The following F13A1 variants were observed in gnomAD, a reference collection of about 807,000 sequenced individuals.
The protein encoded by F13A1 is coagulation factor XIII A chain.
Under a neutral mutation model 80.1 loss-of-function variants are expected in F13A1, and 47 were observed. The ratio of observed to expected loss-of-function variants is 0.59; its 90% CI spans 0.46 to 0.75. The LOEUF is 0.75. Ranked by LOEUF, F13A1 falls within the 30% of genes least tolerant of loss-of-function variation. The probability of loss-of-function intolerance (pLI) is 0.00; values close to 1 mark genes in which losing one functional copy is unlikely to be tolerated. For missense variants in F13A1, 817 were observed against 930.4 expected (o/e 0.88, Z 1.59); for synonymous variants, 349 against 344.9 (o/e 1.01, Z -0.13).
chr6:6,161,551 T>TGTGTGAGA (rs1010361754), intron 13 of F13A1, among the ~76,000 whole-genome samples: 1 of 146,282 alleles, frequency 6.8e-6, no homozygotes, highest in Non-Finnish European at 1.5e-5. Flanking sequence ...TGTGTGTGTG[T>TGTGTGAGA]GAGAGAGAGA....
intron 11 of F13A1, among the ~76,000 whole-genome samples, chr6:6,175,468 G>A (rs1055802076): frequency 6.6e-6 from 1 of 152,184 alleles, no homozygotes; most frequent in Non-Finnish European, 1.5e-5. Flanking sequence ...CATGGCAGAA[G>A]GTTCTACCAA....
At chr6:6,259,589 A>G (rs1561671063) in intron 4 of F13A1, among the ~76,000 whole-genome samples, 1 of 152,216 alleles carries the variant, frequency 6.6e-6, no homozygotes, top group Non-Finnish European at 1.5e-5. Context: ...CACTCCTCCC[A>G]GCACACCAGA....
chr6:6,298,487 C>T lies in F13A1; in HGVS notation c.319+6864G>A, dbSNP rs1409026894. Among the ~76,000 whole-genome samples, 2 of 149,858 alleles carry T rather than the reference C, an allele frequency of 1.3e-5. 1 individual carries two copies. The highest frequency in any genetic ancestry group is 2.9e-5 in the Non-Finnish European group (2 of 67,988). On this transcript the variant is annotated intron_variant, in intron 3 of 14. Transcript: ENST00000264870. ...TTAGCTCTTCTTGTTGAATTGATCC[C>T]TTTACCATTATGTAATGGCCTTCTT... is the stretch of plus-strand genomic sequence containing the variant.
chr6:6,300,820 GTT>G (rs534147712), intron 3 of F13A1, among the ~76,000 whole-genome samples: 2 of 146,782 alleles, frequency 1.4e-5, no homozygotes, highest in African/African-American at 4.9e-5. Flanking sequence ...ATTCTCGTCT[GTT>G]TTTTTTTTTA....
intron 10 of F13A1, among the ~76,000 whole-genome samples, chr6:6,188,320 G>A (rs2151079335): frequency 1.3e-5 from 2 of 148,422 alleles, no homozygotes; most frequent in South Asian, 4.4e-4. Context: ...ATGTTAGGGT[G>A]TCAATTTTGG....
intron 6 of F13A1, among the ~76,000 whole-genome samples, chr6:6,238,715 CAT>C (rs4053228): frequency 0.035 from 5,116 of 145,720 alleles, 281 homozygotes; most frequent in African/African-American, 0.12. Context: ...AAACATGCTG[CAT>C]ATATATATAT....
intron 8 of F13A1, among the ~76,000 whole-genome samples, chr6:6,210,324 GATATATATATATAT>G (rs34960466): frequency 1.2e-5 from 1 of 82,906 alleles, no homozygotes; most frequent in East Asian, 4.2e-4. Context: ...TGTAGCATGT[GATATATATATATAT>G]ATATATATAT....
intron 3 of F13A1, among the ~76,000 whole-genome samples, chr6:6,302,122 G>A (rs889823800): frequency 6.6e-6 from 1 of 152,114 alleles, no homozygotes; most frequent in Admixed American, 6.5e-5. Flanking sequence ...TTTCTGAACG[G>A]CCTATGAGAG....
Position 6,290,225 on chromosome 6 carries a change from A to G in F13A1, c.319+15126T>C, listed in dbSNP as rs566062418. 1.5e-3 allele frequency among the ~76,000 whole-genome samples: 224 copies of G among 152,366 alleles called. 1 individual carries two copies. The highest frequency in any genetic ancestry group is 2.8e-3 in the Non-Finnish European group (190 of 68,036). Reference sequence around the variant, plus strand: ...TCTTAACAATTATTTTTGAAAAGTTACTAAATATGAATGCCAAATTAATAG... The same window carrying G: ...TCTTAACAATTATTTTTGAAAAGTTGCTAAATATGAATGCCAAATTAATAG... On this transcript the variant is annotated intron_variant, in intron 3 of 14. Transcript: ENST00000264870.
intron 13 of F13A1, among the ~76,000 whole-genome samples, chr6:6,154,665 C>G (rs931217792): frequency 6.6e-6 from 1 of 152,224 alleles, no homozygotes; most frequent in Non-Finnish European, 1.5e-5. Flanking sequence ...CCCAGAGGCC[C>G]TGCCTCAATC....
chr6:6,201,399 G>A (rs1761391828), intron 8 of F13A1, among the ~76,000 whole-genome samples: 1 of 152,176 alleles, frequency 6.6e-6, no homozygotes, highest in South Asian at 2.1e-4. Context: ...TGGGTGAGGT[G>A]GGGAGGAAGC....
In F13A1 at chr6:6,248,362, G is replaced by C; in HGVS notation, c.748C>G (p.Leu250Val). 1 of 1,613,914 alleles carries C rather than the reference G, an allele frequency of 6.2e-7. No individual in the cohort carries two copies. The highest frequency in any genetic ancestry group is 2.2e-5 in the East Asian group (1 of 44,864). Reference protein sequence around the residue: ...LYVMDRAQMDLSGRGNPIKVS... With the variant: ...LYVMDRAQMDVSGRGNPIKVS... Reference sequence around the variant, plus strand: ...TTGATGGGATTCCCTCTTCCAGAGAGGTCCATTTGTGCTCTGTCCATCACA... The same window carrying C: ...TTGATGGGATTCCCTCTTCCAGAGACGTCCATTTGTGCTCTGTCCATCACA... The change falls in exon 6 of 15, where the codon CTC (leucine) becomes GTC (valine). Residue 250 changes from leucine (L) to valine (V), a missense_variant. Transcript: ENST00000264870.
intron 8 of F13A1, among the ~76,000 whole-genome samples, chr6:6,217,179 T>C (rs893219374): frequency 1.7e-4 from 26 of 151,542 alleles, no homozygotes; most frequent in African/African-American, 5.8e-4. Flanking sequence ...CATTACTTGG[T>C]ATATACCCAA....
chr6:6,209,646 A>T (rs1401478350), intron 8 of F13A1, among the ~76,000 whole-genome samples: 1 of 152,262 alleles, frequency 6.6e-6, no homozygotes, highest in East Asian at 1.9e-4. Flanking sequence ...TATCCACACA[A>T]TGAAATATCA....
intron 3 of F13A1, among the ~76,000 whole-genome samples, 193 bp from the exon 4 acceptor site, chr6:6,267,002 T>C (rs1757854801): frequency 6.6e-6 from 1 of 152,216 alleles, no homozygotes; most frequent in African/African-American, 2.4e-5. Flanking sequence ...GCAAAACTTA[T>C]TCACTTCATT....
intron 13 of F13A1, among the ~76,000 whole-genome samples, chr6:6,164,305 A>T (rs1223131403): frequency 1.3e-5 from 2 of 152,116 alleles, no homozygotes; most frequent in African/African-American, 2.4e-5. Flanking sequence ...GAACACACAG[A>T]AGGAAACAAA....
intron 8 of F13A1, among the ~76,000 whole-genome samples, chr6:6,206,245 TATTA>T (rs1761486658): frequency 6.6e-6 from 1 of 152,204 alleles, no homozygotes; most frequent in African/African-American, 2.4e-5. Context: ...CTAGAGGTAT[TATTA>T]ATTACCAAAA....
intron 8 of F13A1, among the ~76,000 whole-genome samples, chr6:6,205,705 C>T (rs1191734787): frequency 1.3e-5 from 2 of 151,734 alleles, no homozygotes; most frequent in African/African-American, 2.4e-5. Context: ...GGTGTGATTA[C>T]GTGTTTTATT....
chr6:6,304,240 C>T (rs907264203), intron 3 of F13A1, among the ~76,000 whole-genome samples: 4 of 151,138 alleles, frequency 2.6e-5, no homozygotes, highest in Non-Finnish European at 5.9e-5. Flanking sequence ...CTAAATTTTT[C>T]CCCTTAAACT....
Sources: gnomAD v4.1 joint callset for allele counts (sites outside exome capture counted in the v4.1 genomes callset) on GRCh38, gnomAD v4.1.1 for gene constraint, MANE v1.5 for transcripts, NCBI Gene and HGNC (gene_info 2026-07-23, HGNC 2026-07-21) for gene names.